The following METTL2A variants were observed in gnomAD, a reference collection of about 807,000 sequenced individuals.
METTL2A encodes the protein tRNA N(3)-cytidine methyltransferase METTL2A.
In METTL2A, 45 loss-of-function variants were observed where a neutral mutation model predicts 49.4. That is an observed-to-expected ratio of 0.91 (90% CI 0.72 to 1.17). METTL2A has a LOEUF of 1.17. Ranked by LOEUF, METTL2A falls within the 50% of genes most tolerant of loss-of-function variation. METTL2A has a pLI of 0.00. For synonymous variants in METTL2A, 118 were observed against 167.5 expected (o/e 0.70, Z 2.28); for missense variants, 361 against 462.2 (o/e 0.78, Z 2.01).
In METTL2A at chr17:62,445,081, G is replaced by T. The variant is rs2070760049; in HGVS notation, c.916+138G>T. ...CACCACTTTTTCTCACTCATAAGTG[G>T]GAGTTGAACAATGAGAACACATGGA... On this transcript the variant is annotated intron_variant, in intron 7 of 8. Coordinates refer to ENST00000311506, the MANE Select transcript of METTL2A (RefSeq NM_181725.4). 4 of 974,620 alleles carry T rather than the reference G, an allele frequency of 4.1e-6. No homozygotes were observed. In the Admixed American group the frequency reaches 7.0e-5, roughly 17 times the overall value. 60.4% of individuals were successfully genotyped at this position (974,620 alleles called of 1,614,324 possible).
chr17:62,451,890 CAAAAAAAA>C lies in METTL2A; in HGVS notation c.*3174_*3181del, dbSNP rs772762045. Among the ~76,000 whole-genome samples the C allele has an allele frequency of 3.3e-5, 2 of 60,026 alleles. No individual in the cohort carries two copies. Among genetic ancestry groups the C allele is most frequent in the Non-Finnish European group, 7.2e-5 (2 of 27,916 alleles). 39.4% of individuals were successfully genotyped at this position (60,026 alleles called of 152,430 possible). A position where few individuals can be genotyped will look rare whatever the true frequency, so the allele number is the denominator to read the frequency against. On this transcript the variant is annotated 3_prime_UTR_variant, in exon 9 of 9. Coordinates refer to ENST00000311506, the MANE Select transcript of METTL2A (RefSeq NM_181725.4). ...GGGCAACAAGAGTGAAACTCCGTCT[CAAAAAAAA>C]AAAAAAAAAAAATTAGCTGGGCATG...
chr17:62,441,198 G>A lies in METTL2A; in HGVS notation c.809+442G>A, dbSNP rs1474671223. Among the ~76,000 whole-genome samples the A allele has an allele frequency of 7.2e-5, 11 of 152,228 alleles. 1 individual carries two copies. Among genetic ancestry groups the A allele is most frequent in the Admixed American group, 5.2e-4 (8 of 15,284 alleles). ...ACAAAGAAGCCACACCATTTGTAGT[G>A]ATGTGAGCATCTCAGCCATTTTCCT... On this transcript the variant is annotated intron_variant, in intron 6 of 8. Transcript: ENST00000311506.
chr17:62,443,408 T>C (rs1330380926), intron 6 of METTL2A, among the ~76,000 whole-genome samples: 1 of 152,040 alleles, frequency 6.6e-6, no homozygotes, highest in Non-Finnish European at 1.5e-5. Flanking sequence ...GAAGTTTCAA[T>C]GCTACAAACT....
intron 2 of METTL2A, among the ~76,000 whole-genome samples, chr17:62,425,123 C>A (rs1187215833): frequency 1.3e-5 from 2 of 151,234 alleles, no homozygotes; most frequent in Non-Finnish European, 2.9e-5. Context: ...AAGTGCTTTT[C>A]CCAGAGGTAA....
Position 62,451,890 on chromosome 17 carries a change from C to CAA in METTL2A, c.*3180_*3181dup, listed in dbSNP as rs772762045. 1.2e-4 allele frequency among the ~76,000 whole-genome samples: 7 copies of CAA among 60,024 alleles called. No individual in the cohort carries two copies. Among genetic ancestry groups the CAA allele is most frequent in the African/African-American group, 2.3e-4 (4 of 17,608 alleles). 39.4% of individuals were successfully genotyped at this position (60,024 alleles called of 152,430 possible). A position where few individuals can be genotyped will look rare whatever the true frequency, so the allele number is the denominator to read the frequency against. On this transcript the variant is annotated 3_prime_UTR_variant, in exon 9 of 9. Transcript: ENST00000311506. Reference sequence around the variant, plus strand: ...GGGCAACAAGAGTGAAACTCCGTCTCAAAAAAAAAAAAAAAAAAAATTAGC... The same window carrying CAA: ...GGGCAACAAGAGTGAAACTCCGTCTCAAAAAAAAAAAAAAAAAAAAAATTAGC...
chr17:62,432,688 G>C (rs1435469122), intron 4 of METTL2A, among the ~76,000 whole-genome samples: 1 of 152,166 alleles, frequency 6.6e-6, no homozygotes, highest in African/African-American at 2.4e-5. Context: ...TGTAGTCCCA[G>C]CTACTTGGGA....
intron 6 of METTL2A, 41 bp downstream of exon 6, chr17:62,440,797 A>T: frequency 6.3e-7 from 1 of 1,592,850 alleles, no homozygotes; most frequent in Non-Finnish European, 8.5e-7. Context: ...ACAAAAAGGA[A>T]GCTTTGGTGA....
intron 6 of METTL2A, 56 bp downstream of exon 6, chr17:62,440,812 C>G: frequency 6.3e-7 from 1 of 1,579,062 alleles, no homozygotes; most frequent in Non-Finnish European, 8.6e-7. Flanking sequence ...TGGTGAGGGA[C>G]CTTTTTTTTT....
intron 4 of METTL2A, among the ~76,000 whole-genome samples, chr17:62,434,160 C>A (rs183019112): frequency 2.0e-5 from 3 of 152,150 alleles, no homozygotes; most frequent in African/African-American, 7.2e-5. Context: ...TGTGCAGTGA[C>A]GGAAATGTTC....
At chr17:62,438,318 A>T (rs1350935519) in intron 5 of METTL2A, among the ~76,000 whole-genome samples, 1 of 151,870 alleles carries the variant, frequency 6.6e-6, no homozygotes, top group Non-Finnish European at 1.5e-5. Flanking sequence ...GAGGCAGGAG[A>T]ATCGCTTGAA....
rs1410849873 is a variant in METTL2A, at chr17:62,451,239, C to T, written c.*2510C>T. Among the ~76,000 whole-genome samples the T allele has an allele frequency of 2.6e-5, 4 of 150,968 alleles. No homozygotes were observed. The highest frequency in any genetic ancestry group is 4.9e-5 in the African/African-American group (2 of 41,126). ...TCAGCTCACCGCAACCTCTGCCTCCCAAGTTTAAATGATTCTCCTGCCTCA... is the reference window on the plus strand; with the variant it reads ...TCAGCTCACCGCAACCTCTGCCTCCTAAGTTTAAATGATTCTCCTGCCTCA... On this transcript the variant is annotated 3_prime_UTR_variant, in exon 9 of 9. Coordinates refer to ENST00000311506, the MANE Select transcript of METTL2A (RefSeq NM_181725.4).
intron 6 of METTL2A, 96 bp downstream of exon 6, chr17:62,440,852 C>T (rs2070735062): frequency 6.7e-7 from 1 of 1,484,206 alleles, no homozygotes. Context: ...TCAGCCCAGG[C>T]TGGAGTGCAG....
At position 62,447,726 on chromosome 17, in the gene METTL2A, C is replaced by A. The variant is rs376580120; in HGVS notation, c.942C>A (p.Tyr314Ter). The A allele has an allele frequency of 6.2e-7, 1 of 1,614,132 alleles. No homozygotes were observed. Among genetic ancestry groups the A allele is most frequent in the Admixed American group, 1.7e-5 (1 of 60,008 alleles). Residue 314 changes from tyrosine (Y) to a stop codon, truncating the protein, a stop_gained, in exon 8 of 9, where the codon TAC becomes TAA. Coordinates refer to ENST00000311506, the MANE Select transcript of METTL2A (RefSeq NM_181725.4). LOFTEE classifies it high-confidence loss of function. ...GTCAGTGTCTATCTGGAAATTTCTA[C>A]GTGAGAGGTGATGGAACCAGAGTTT... The part of the protein sequence containing the change: ...KKGQCLSGNF[Y>*]VRGDGTRVYF...
chr17:62,435,717 G>T (rs2070696071), intron 5 of METTL2A, among the ~76,000 whole-genome samples: 1 of 152,092 alleles, frequency 6.6e-6, no homozygotes, highest in Non-Finnish European at 1.5e-5. Context: ...AAATGCATGC[G>T]TTGTGACTGC....
chr17:62,425,861 C>T (rs369168675), intron 2 of METTL2A, among the ~76,000 whole-genome samples: 2 of 151,118 alleles, frequency 1.3e-5, no homozygotes, highest in African/African-American at 2.4e-5. Context: ...ATTAGCCGGG[C>T]GTGGTGGCAG....
intron 5 of METTL2A, among the ~76,000 whole-genome samples, chr17:62,439,743 G>A (rs1024390871): frequency 3.3e-5 from 5 of 151,926 alleles, no homozygotes; most frequent in African/African-American, 1.2e-4. Flanking sequence ...TAAAGTATGT[G>A]CTGTCTCTCT....
chr17:62,444,175 AC>A (rs1177492942), intron 6 of METTL2A, among the ~76,000 whole-genome samples: 1 of 152,218 alleles, frequency 6.6e-6, no homozygotes, highest in Non-Finnish European at 1.5e-5. Context: ...AGCAGAACCC[AC>A]TGGATGCTCA....
intron 5 of METTL2A, among the ~76,000 whole-genome samples, chr17:62,440,302 G>A (rs985930527): frequency 2.6e-4 from 39 of 152,144 alleles, no homozygotes; most frequent in Non-Finnish European, 5.1e-4. Flanking sequence ...TGGGATTACA[G>A]GCATGAGTCT....
Position 62,451,643 on chromosome 17 carries a change from G to A in METTL2A, c.*2914G>A, listed in dbSNP as rs178153. On this transcript the variant is annotated 3_prime_UTR_variant, in exon 9 of 9. Coordinates refer to ENST00000311506, the MANE Select transcript of METTL2A (RefSeq NM_181725.4). ...ACGGTGGCTCACGCCTGTAATCCCA[G>A]CACTTTGAGAGACCAAGGTAGGTGG... is the stretch of plus-strand genomic sequence containing the variant. Among the ~76,000 whole-genome samples, 1 of 151,678 alleles carries A rather than the reference G, an allele frequency of 6.6e-6. No homozygotes were observed. Among genetic ancestry groups the A allele is most frequent in the African/African-American group, 2.4e-5 (1 of 41,372 alleles).
Sources: gnomAD v4.1 joint callset for allele counts (sites outside exome capture counted in the v4.1 genomes callset) on GRCh38, gnomAD v4.1.1 for gene constraint, MANE v1.5 for transcripts, NCBI Gene and HGNC (gene_info 2026-07-23, HGNC 2026-07-21) for gene names.